The following FKBP14 variants were observed in gnomAD, a reference collection of about 807,000 sequenced individuals.
The protein encoded by FKBP14 is peptidyl-prolyl cis-trans isomerase FKBP14.
FKBP14 carries 20 observed loss-of-function variants against 21.6 expected under a neutral mutation model. That is an observed-to-expected ratio of 0.92 (90% CI 0.65 to 1.34). FKBP14 has a LOEUF of 1.34. FKBP14 is among the 40% of genes most tolerant of loss of function. The pLI is 0.00. For missense variants in FKBP14, 253 were observed against 249.0 expected (o/e 1.02, Z -0.11); for synonymous variants, 79 against 86.7 (o/e 0.91, Z 0.49).
Position 30,011,907 on chromosome 7 carries a change from T to C in FKBP14, c.*2828A>G, listed in dbSNP as rs1286629084. The stretch of plus-strand genomic sequence containing the variant: ...ACCATATTGTTATTGTTGTAGTATC[T>C]TTTCTGTGTTTAGATGTTTGAATAA... On this transcript the variant is annotated 3_prime_UTR_variant, in exon 4 of 4. Transcript: ENST00000222803. 6.6e-6 allele frequency: 1 copy of C among 152,170 alleles called. No homozygotes were observed. The highest frequency in any genetic ancestry group is 2.4e-5 in the African/African-American group (1 of 41,434). 9.4% of individuals were successfully genotyped at this position (152,170 alleles called of 1,614,324 possible). A position where few individuals can be genotyped will look rare whatever the true frequency, so the allele number is the denominator to read the frequency against.
chr7:30,021,436 A>ATTT (rs905044842), intron 2 of FKBP14, among the ~76,000 whole-genome samples: 10 of 152,090 alleles, frequency 6.6e-5, no homozygotes, highest in Non-Finnish European at 1.5e-4. Context: ...GACAGTTCCA[A>ATTT]TTTTTTGCTT....
Position 30,013,524 on chromosome 7 carries a change from C to G in FKBP14, c.*1211G>C, listed in dbSNP as rs1287588139. 1 of 152,174 alleles carries G rather than the reference C, an allele frequency of 6.6e-6. No individual in the cohort carries two copies. Among genetic ancestry groups the G allele is most frequent in the Non-Finnish European group, 1.5e-5 (1 of 68,064 alleles). The allele number at this position is 152,174 out of a possible 1,614,324, so 9.4% of individuals were successfully genotyped here. A position where few individuals can be genotyped will look rare whatever the true frequency, so the allele number is the denominator to read the frequency against. ...CTTGGCCCCCAAAGTGCTGGGATTA[C>G]AGGCATGAGCCACCACACCCAGCTA... On this transcript the variant is annotated 3_prime_UTR_variant, in exon 4 of 4. Transcript: ENST00000222803.
At chr7:30,018,963 G>A in intron 3 of FKBP14, 33 bp downstream of exon 3, 1 of 1,596,672 alleles carries the variant, frequency 6.3e-7, no homozygotes. Context: ...CCAAAGAAAA[G>A]TAGAAAGAGG....
At chr7:30,008,213 C>T (rs1343278598), downstream of FKBP14, 1 of 152,196 alleles carries the variant, frequency 6.6e-6, no homozygotes, top group Non-Finnish European at 1.5e-5. Flanking sequence ...AGGTGTGTGT[C>T]TCATTTTACT....
intron 3 of FKBP14, among the ~76,000 whole-genome samples, chr7:30,017,177 A>C (rs77735598): frequency 7.3e-6 from 1 of 137,656 alleles, no homozygotes; most frequent in South Asian, 2.4e-4. Flanking sequence ...TCATCTCTAC[A>C]AAAAAAAAAA....
Position 30,013,684 on chromosome 7 carries a change from TAAG to T in FKBP14, c.*1048_*1050del, listed in dbSNP as rs1280949280. 6.6e-6 allele frequency: 1 copy of T among 152,196 alleles called. No individual in the cohort carries two copies. The highest frequency in any genetic ancestry group is 1.9e-4 in the East Asian group (1 of 5,202). 9.4% of individuals were successfully genotyped at this position (152,196 alleles called of 1,614,324 possible). A position where few individuals can be genotyped will look rare whatever the true frequency, so the allele number is the denominator to read the frequency against. ...ACCAGGAAGGATATTCCGCTAGCCT[TAAG>T]AAGTAAATATTGAATATAAATATAA... On this transcript the variant is annotated 3_prime_UTR_variant, in exon 4 of 4. Transcript: ENST00000222803.
Position 30,015,431 on chromosome 7 carries a change from T to C in FKBP14, c.478-538A>G, listed in dbSNP as rs527618820. Among the ~76,000 whole-genome samples the C allele has an allele frequency of 2.7e-5, 4 of 147,542 alleles. No individual in the cohort carries two copies. In the Admixed American group the frequency reaches 2.7e-4, roughly 10 times the overall value. On this transcript the variant is annotated intron_variant, in intron 3 of 3. Coordinates refer to ENST00000222803, the MANE Select transcript of FKBP14 (RefSeq NM_017946.4). The stretch of plus-strand genomic sequence containing the variant: ...AGACTCTGTCAAAAAAATAAAAAAT[T>C]AAAAAATTAAAAATATATATATATA...
chr7:30,017,228 G>T (rs749348487), intron 3 of FKBP14, among the ~76,000 whole-genome samples: 2 of 151,798 alleles, frequency 1.3e-5, no homozygotes, highest in Non-Finnish European at 2.9e-5. Context: ...CTGGATGTGG[G>T]GATAATAGAA....
At chr7:30,007,211 GTTT>G (rs10716152), downstream of FKBP14, among the ~76,000 whole-genome samples, 10 of 129,160 alleles carry the variant, frequency 7.7e-5, no homozygotes, top group Non-Finnish European at 1.3e-4. Flanking sequence ...AAGTTCCTTT[GTTT>G]TTTTTTTTTT....
chr7:30,006,720 C>T (rs568495232), downstream of FKBP14, among the ~76,000 whole-genome samples: 16 of 152,220 alleles, frequency 1.1e-4, no homozygotes, highest in South Asian at 1.0e-3. Context: ...CACTCATTGC[C>T]GGGAATAGTC....
intron 3 of FKBP14, among the ~76,000 whole-genome samples, chr7:30,017,657 C>G (rs1172109065): frequency 2.0e-5 from 3 of 152,138 alleles, no homozygotes; most frequent in Non-Finnish European, 4.4e-5. Context: ...AATCTTCCTG[C>G]CTCAGCCTTC....
At position 30,011,079 on chromosome 7, in the gene FKBP14, C is replaced by T. The variant is rs1789711369; in HGVS notation, c.*3656G>A. ...TTGAGACAGAGTCTTGCTCCTCTGT[C>T]ACCCAGACTAGAGTGCAGTGGTTCG... On this transcript the variant is annotated 3_prime_UTR_variant, in exon 4 of 4. Coordinates refer to ENST00000222803, the MANE Select transcript of FKBP14 (RefSeq NM_017946.4). The T allele has an allele frequency of 6.6e-6, 1 of 151,604 alleles. No individual in the cohort carries two copies. The highest frequency in any genetic ancestry group is 1.5e-5 in the Non-Finnish European group (1 of 67,952). 9.4% of individuals were successfully genotyped at this position (151,604 alleles called of 1,614,324 possible).
intron 3 of FKBP14, among the ~76,000 whole-genome samples, chr7:30,017,491 C>T (rs533215949): frequency 1.1e-4 from 16 of 151,966 alleles, no homozygotes; most frequent in Admixed American, 2.0e-4. Context: ...ATCGCTTGAA[C>T]CCGGGACACA....
chr7:30,023,030 A>C (rs1466185377), intron 1 of FKBP14, among the ~76,000 whole-genome samples: 3 of 152,030 alleles, frequency 2.0e-5, no homozygotes, highest in Non-Finnish European at 2.9e-5. Context: ...CACATACTTG[A>C]CTGGGCTTAA....
chr7:30,022,108 G>T (rs1373105896), intron 2 of FKBP14, among the ~76,000 whole-genome samples: 3 of 152,166 alleles, frequency 2.0e-5, no homozygotes, highest in Non-Finnish European at 2.9e-5. Flanking sequence ...CCAGTTTGCT[G>T]TGGGAGACTT....
chr7:30,018,871 TAAATA>T, intron 3 of FKBP14, 120 bp downstream of exon 3: 2 of 963,924 alleles, frequency 2.1e-6, no homozygotes, highest in East Asian at 6.1e-5. Context: ...AAATGTTACC[TAAATA>T]AAAGTAGATT....
At chr7:30,020,739 A>AC (rs1790009348) in intron 2 of FKBP14, among the ~76,000 whole-genome samples, 1 of 152,194 alleles carries the variant, frequency 6.6e-6, no homozygotes, top group African/African-American at 2.4e-5. Context: ...AGAAAGTGAA[A>AC]CCACAGGTAA....
chr7:30,022,622 C>T (rs1790064584), intron 2 of FKBP14, 43 bp downstream of exon 2: 7 of 1,559,614 alleles, frequency 4.5e-6, no homozygotes, highest in Non-Finnish European at 6.1e-6. Flanking sequence ...ATCCAGAGAA[C>T]AACTCTAGTG....
chr7:30,008,611 C>G (rs1427392618), downstream of FKBP14, among the ~76,000 whole-genome samples: 1 of 149,318 alleles, frequency 6.7e-6, no homozygotes, highest in Non-Finnish European at 1.5e-5. Context: ...GTCCCAGTTA[C>G]TCAGGAGGCT....
Sources: allele counts gnomAD v4.1 joint callset (sites outside exome capture counted in the v4.1 genomes callset), GRCh38; gene constraint gnomAD v4.1.1; transcripts MANE v1.5; gene names NCBI Gene and HGNC (gene_info 2026-07-23, HGNC 2026-07-21).